Variants in PCYT1B observed in about 807,000 individuals in gnomAD.
PCYT1B encodes the protein choline-phosphate cytidylyltransferase B.
A neutral mutation model predicts 26.4 loss-of-function variants in PCYT1B; 10 were observed. That is an observed-to-expected ratio of 0.38 (90% CI 0.23 to 0.64). The LOEUF is 0.64. PCYT1B is among the 30% of genes least tolerant of loss of function. PCYT1B has a pLI of 0.56. For synonymous variants in PCYT1B, 131 were observed against 108.4 expected (o/e 1.21, Z -1.29); for missense variants, 161 against 292.7 (o/e 0.55, Z 3.28).
At position 24,647,054 on chromosome X, in the gene PCYT1B, G is replaced by A; in HGVS notation, c.52C>T (p.Leu18Phe). Residue 18 changes from leucine to phenylalanine, a missense_variant, in exon 1 of 8, where the codon CTT (leucine) becomes TTT (phenylalanine). Transcript: ENST00000379144. ...AESETGIPKS[L>F]SNEPPSETME... ...GTTTCTGAGGGAGGCTCATTGGAAA[G>A]GGATTTTGGGATACCTGTTTCTGAC... 1.7e-6 allele frequency: 2 copies of A among 1,210,327 alleles called. No homozygotes were observed. Among genetic ancestry groups the A allele is most frequent in the Non-Finnish European group, 2.2e-6 (2 of 894,172 alleles).
rs139455996 is a variant in PCYT1B at position 24,653,252 on chromosome X, C to T, written c.63+19318G>A. On this transcript the variant is annotated intron_variant, in intron 1 of 7. Transcript: ENST00000379145. Reference sequence around the variant, plus strand: ...GGAGGAGATGCTGTCTGAACCCTGCCGAAATCCCCTCAGGACTTACCATAA... The same window carrying T: ...GGAGGAGATGCTGTCTGAACCCTGCTGAAATCCCCTCAGGACTTACCATAA... Among the ~76,000 whole-genome samples, 10 of 111,282 alleles carry T rather than the reference C, an allele frequency of 9.0e-5. No individual in the cohort carries two copies. In the East Asian group the frequency reaches 1.1e-3, roughly 13 times the overall value.
chrX:24,595,942 T>C (rs1487234653), intron 3 of PCYT1B, among the ~76,000 whole-genome samples: 2 of 110,853 alleles, frequency 1.8e-5, no homozygotes, highest in African/African-American at 3.3e-5. Context: ...AAAGGGACTC[T>C]TAAAGAATAT....
rs189858239 is a variant in PCYT1B at position 24,572,937 on chromosome X, T to C, written c.897+2193A>G. On this transcript the variant is annotated intron_variant, in intron 7 of 7. Transcript: ENST00000379144. ...ATCAAATTATATATATATATATATA[T>C]ACACACACACACATATACACACATA... Among the ~76,000 whole-genome samples, 384 of 103,149 alleles carry C rather than the reference T, an allele frequency of 3.7e-3. 1 individual carries two copies. The highest frequency in any genetic ancestry group is 0.01 in the African/African-American group (291 of 28,126). 89.6% of individuals were successfully genotyped at this position (103,149 alleles called of 115,157 possible). A position where few individuals can be genotyped will look rare whatever the true frequency, so the allele number is the denominator to read the frequency against.
intron 1 of PCYT1B, among the ~76,000 whole-genome samples, chrX:24,672,318 A>G (rs982571245): frequency 8.9e-6 from 1 of 111,787 alleles, no homozygotes; most frequent in African/African-American, 3.3e-5. Context: ...TAGTAAGCAA[A>G]TTTGTTCTTG....
chrX:24,587,394 T>C, intron 4 of PCYT1B, 75 bp from the exon 5 acceptor site: 1 of 659,861 alleles, frequency 1.5e-6, no homozygotes, highest in African/African-American at 2.1e-5. Flanking sequence ...GGGGGAATGG[T>C]GACTTCATAA....
intron 7 of PCYT1B, among the ~76,000 whole-genome samples, chrX:24,567,679 G>A (rs1337964593): frequency 2.7e-5 from 3 of 111,842 alleles, no homozygotes; most frequent in African/African-American, 9.8e-5. Flanking sequence ...GGCCGGGTGC[G>A]GTGGCTCATG....
intron 2 of PCYT1B, among the ~76,000 whole-genome samples, chrX:24,616,530 C>T (rs905747088): frequency 7.2e-5 from 8 of 111,609 alleles, no homozygotes; most frequent in South Asian, 3.7e-4. Context: ...TGAGCCACCA[C>T]GCCCGGTCAG....
At position 24,559,908 on chromosome X, in the gene PCYT1B, A is replaced by G. The variant is rs751116454; in HGVS notation, c.*2385T>C. On this transcript the variant is annotated 3_prime_UTR_variant, in exon 8 of 8. Transcript: ENST00000379144. Reference sequence around the variant, plus strand: ...AGCCTCAAGAGGGTGGAACGGGGGGACTCACTGCAGGTTAGGAGGGTGAGA... The same window carrying G: ...AGCCTCAAGAGGGTGGAACGGGGGGGCTCACTGCAGGTTAGGAGGGTGAGA... The G allele has an allele frequency of 9.0e-6, 1 of 110,977 alleles. No homozygotes were observed. Among genetic ancestry groups the G allele is most frequent in the South Asian group, 3.8e-4 (1 of 2,599 alleles). The allele number at this position is 110,977 out of a possible 1,213,427, so 9.1% of individuals were successfully genotyped here.
chrX:24,566,453 G>A (rs1923632947), intron 7 of PCYT1B, among the ~76,000 whole-genome samples: 1 of 112,169 alleles, frequency 8.9e-6, no homozygotes, highest in Non-Finnish European at 1.9e-5. Flanking sequence ...TAGAAGGAAT[G>A]TACATATACG....
intron 7 of PCYT1B, among the ~76,000 whole-genome samples, chrX:24,571,331 T>C (rs1271325623): frequency 9.0e-6 from 1 of 111,260 alleles, no homozygotes; most frequent in Admixed American, 9.5e-5. Context: ...GCCATTGCAT[T>C]CCACCTGGGG....
At chrX:24,651,556 G>T (rs187098665), upstream of PCYT1B, among the ~76,000 whole-genome samples, 8 of 88,560 alleles carry the variant, frequency 9.0e-5, no homozygotes, top group East Asian at 2.8e-3. Context: ...TTTGAGACAG[G>T]GTCTCACTCT....
chrX:24,637,881 C>T (rs2148268441), intron 1 of PCYT1B, among the ~76,000 whole-genome samples: 1 of 109,465 alleles, frequency 9.1e-6, no homozygotes, highest in African/African-American at 3.3e-5. Context: ...GGAGTGAGAC[C>T]ACTAGCCTTG....
At chrX:24,612,005 AC>A (rs773037588) in intron 2 of PCYT1B, among the ~76,000 whole-genome samples, 1 of 111,762 alleles carries the variant, frequency 8.9e-6, no homozygotes, top group Non-Finnish European at 1.9e-5. Context: ...ACAAAAAGAA[AC>A]AAAAAGGGTC....
intron 7 of PCYT1B, among the ~76,000 whole-genome samples, chrX:24,570,671 G>A (rs990232678): frequency 9.0e-6 from 1 of 111,600 alleles, no homozygotes; most frequent in Non-Finnish European, 1.9e-5. Context: ...GTCGTTTTAA[G>A]CCACCAAGTT....
At chrX:24,646,430 C>A (rs183784875) in intron 1 of PCYT1B, among the ~76,000 whole-genome samples, 2 of 111,540 alleles carry the variant, frequency 1.8e-5, no homozygotes, top group African/African-American at 6.5e-5. Context: ...TTTTACAATT[C>A]GTTTTAAATG....
chrX:24,574,108 A>G (rs959349886), intron 7 of PCYT1B, among the ~76,000 whole-genome samples: 2 of 111,967 alleles, frequency 1.8e-5, no homozygotes, highest in African/African-American at 6.5e-5. Flanking sequence ...CAACCCGTCA[A>G]TAAAATAATT....
chrX:24,569,259 G>T (rs1435620814), intron 7 of PCYT1B, among the ~76,000 whole-genome samples: 2 of 109,242 alleles, frequency 1.8e-5, no homozygotes, highest in African/African-American at 3.3e-5. Flanking sequence ...AAATTAGGAC[G>T]ATTATTTAAA....
At chrX:24,584,100 C>T (rs770728139) in intron 5 of PCYT1B, among the ~76,000 whole-genome samples, 21 of 111,292 alleles carry the variant, frequency 1.9e-4, no homozygotes, top group South Asian at 3.8e-4. Flanking sequence ...TTTGGGAGGC[C>T]GAGGTGGGAG....
chrX:24,642,848 T>C (rs1421345301), intron 1 of PCYT1B, among the ~76,000 whole-genome samples: 1 of 112,143 alleles, frequency 8.9e-6, no homozygotes, highest in East Asian at 2.8e-4. Context: ...GTCATCTTTT[T>C]GAATACTAGC....
Sources: allele counts gnomAD v4.1 joint callset (sites outside exome capture counted in the v4.1 genomes callset), GRCh38; gene constraint gnomAD v4.1.1; transcripts MANE v1.5; gene names NCBI Gene and HGNC (gene_info 2026-07-23, HGNC 2026-07-21).